Variants in CACNA2D1 observed in about 807,000 individuals in gnomAD.
CACNA2D1 encodes the protein voltage-dependent calcium channel subunit alpha-2/delta-1.
A neutral mutation model predicts 171.5 loss-of-function variants in CACNA2D1; 53 were observed. The ratio of observed to expected loss-of-function variants is 0.31; its 90% CI spans 0.25 to 0.39. The LOEUF is 0.39. CACNA2D1 is among the 10% of genes least tolerant of loss of function. The probability of loss-of-function intolerance (pLI) is 1.00; values close to 1 mark genes in which losing one functional copy is unlikely to be tolerated. For missense variants in CACNA2D1, 903 were observed against 1,299.8 expected (o/e 0.69, Z 4.69); for synonymous variants, 442 against 443.1 (o/e 1.00, Z 0.03).
intron 4 of CACNA2D1, among the ~76,000 whole-genome samples, chr7:82,168,737 C>T (rs1795720972): frequency 6.6e-6 from 1 of 151,970 alleles, no homozygotes; most frequent in Non-Finnish European, 1.5e-5. Flanking sequence ...TTACTACAAC[C>T]CTACTTGCCA....
chr7:82,365,951 C>G (rs1434469031), intron 1 of CACNA2D1, among the ~76,000 whole-genome samples: 2 of 152,152 alleles, frequency 1.3e-5, no homozygotes, highest in Admixed American at 6.5e-5. Flanking sequence ...TGTTCTCTAT[C>G]ATTCTGACAG....
intron 3 of CACNA2D1, among the ~76,000 whole-genome samples, chr7:82,191,606 T>C (rs1005647613): frequency 6.6e-6 from 1 of 151,762 alleles, no homozygotes; most frequent in East Asian, 1.9e-4. Context: ...AGGAAGAACT[T>C]TGACTTTACA....
chr7:82,060,081 G>A (rs1361226523), intron 10 of CACNA2D1, among the ~76,000 whole-genome samples: 1 of 100,802 alleles, frequency 9.9e-6, no homozygotes, highest in Non-Finnish European at 1.9e-5. Flanking sequence ...CAGCAACATG[G>A]CACATGTATA....
chr7:82,298,952 A>G (rs2129423238), intron 3 of CACNA2D1, among the ~76,000 whole-genome samples: 1 of 151,546 alleles, frequency 6.6e-6, no homozygotes, highest in Non-Finnish European at 1.5e-5. Flanking sequence ...AATCCCAGCT[A>G]CTCGGGAGAC....
intron 6 of CACNA2D1, among the ~76,000 whole-genome samples, chr7:82,090,346 T>TA (rs1374594721): frequency 2.0e-5 from 3 of 152,084 alleles, no homozygotes; most frequent in African/African-American, 7.2e-5. Context: ...ATAACTCTAA[T>TA]AAGTCTTTAA....
At chr7:82,352,510 T>G (rs901742729) in intron 1 of CACNA2D1, among the ~76,000 whole-genome samples, 38 of 152,258 alleles carry the variant, frequency 2.5e-4, no homozygotes, top group Non-Finnish European at 2.6e-4. Context: ...AGCACTCCAT[T>G]AGGAAGAATT....
intron 6 of CACNA2D1, among the ~76,000 whole-genome samples, chr7:82,096,690 A>G (rs1018372242): frequency 6.7e-6 from 1 of 150,224 alleles, no homozygotes; most frequent in Non-Finnish European, 1.5e-5. Flanking sequence ...ATATCCTGCA[A>G]TAACAAAACA....
At chr7:82,244,630 G>A (rs1804695997) in intron 3 of CACNA2D1, among the ~76,000 whole-genome samples, 2 of 150,988 alleles carry the variant, frequency 1.3e-5, no homozygotes, top group African/African-American at 4.9e-5. Flanking sequence ...TTAAGCAAGG[G>A]GAAAAAAAGC....
intron 4 of CACNA2D1, among the ~76,000 whole-genome samples, chr7:82,154,139 A>G (rs1014410539): frequency 3.3e-5 from 5 of 152,218 alleles, no homozygotes; most frequent in Admixed American, 6.5e-5. Context: ...TAATGTGTGT[A>G]GTTCTCAACA....
At chr7:82,045,665 G>A (rs979399079) in intron 10 of CACNA2D1, among the ~76,000 whole-genome samples, 3 of 151,946 alleles carry the variant, frequency 2.0e-5, no homozygotes, top group Non-Finnish European at 2.9e-5. Context: ...TTGTCCCTCC[G>A]TTATTTCATG....
At chr7:82,055,557 T>C (rs10257452) in intron 10 of CACNA2D1, among the ~76,000 whole-genome samples, 16,938 of 151,464 alleles carry the variant, frequency 0.11, 1,153 homozygotes, top group African/African-American at 0.19. Flanking sequence ...ACGTGGCACA[T>C]ATACACCATG....
chr7:82,380,991 G>A (rs1011822759), intron 1 of CACNA2D1, among the ~76,000 whole-genome samples: 1 of 151,616 alleles, frequency 6.6e-6, no homozygotes, highest in South Asian at 2.1e-4. Flanking sequence ...CACTGCGCCC[G>A]GCCACATTTA....
chr7:82,022,372 G>T (rs530593455), intron 12 of CACNA2D1, among the ~76,000 whole-genome samples: 1 of 151,792 alleles, frequency 6.6e-6, no homozygotes, highest in South Asian at 2.1e-4. Context: ...TATGAACAAA[G>T]GTAGAGCCCT....
At chr7:82,302,803 A>G (rs1185744902) in intron 3 of CACNA2D1, among the ~76,000 whole-genome samples, 1 of 152,134 alleles carries the variant, frequency 6.6e-6, no homozygotes, top group Non-Finnish European at 1.5e-5. Context: ...TCCCAACAAT[A>G]ATTATATATG....
chr7:82,106,065 CAT>C (rs1787723952), intron 6 of CACNA2D1, among the ~76,000 whole-genome samples: 1 of 152,100 alleles, frequency 6.6e-6, no homozygotes, highest in Admixed American at 6.6e-5. Context: ...TGAATGTTTG[CAT>C]ATCTCATAAC....
chr7:82,117,733 A>G (rs143086380), intron 5 of CACNA2D1, among the ~76,000 whole-genome samples: 2 of 152,166 alleles, frequency 1.3e-5, no homozygotes, highest in African/African-American at 4.8e-5. Context: ...GTGAGCCATG[A>G]TCACATCACC....
At chr7:82,125,643 C>T (rs942348018) in intron 5 of CACNA2D1, among the ~76,000 whole-genome samples, 5 of 151,860 alleles carry the variant, frequency 3.3e-5, no homozygotes, top group African/African-American at 7.3e-5. Flanking sequence ...CTCAGGAGGC[C>T]GAGGTGGGAG....
At chr7:82,320,330 T>G (rs1815655096) in intron 3 of CACNA2D1, among the ~76,000 whole-genome samples, 1 of 151,990 alleles carries the variant, frequency 6.6e-6, no homozygotes, top group East Asian at 1.9e-4. Flanking sequence ...TATTTAAAAA[T>G]AAACAAAAAA....
chr7:82,270,772 G>A (rs1216167610), intron 3 of CACNA2D1, among the ~76,000 whole-genome samples: 2 of 152,026 alleles, frequency 1.3e-5, no homozygotes, highest in Admixed American at 1.3e-4. Flanking sequence ...TTTCTACACA[G>A]ACTCTTTCAA....
Sources: allele counts gnomAD v4.1 joint callset (sites outside exome capture counted in the v4.1 genomes callset), GRCh38; gene constraint gnomAD v4.1.1; transcripts MANE v1.5; gene names NCBI Gene and HGNC (gene_info 2026-07-23, HGNC 2026-07-21).